The following CAMK2D variants were observed in gnomAD, a reference collection of about 807,000 sequenced individuals.
CAMK2D encodes the protein calcium/calmodulin dependent protein kinase II delta, also known as calcium/calmodulin-dependent protein kinase type II subunit delta.
Under a neutral mutation model 84.0 loss-of-function variants are expected in CAMK2D, and 37 were observed. The observed-to-expected ratio is 0.44, with a 90% confidence interval of 0.34 to 0.58. The LOEUF (loss-of-function observed/expected upper bound fraction) is 0.58. Ranked by LOEUF, CAMK2D falls within the 20% of genes least tolerant of loss-of-function variation. The probability of loss-of-function intolerance (pLI) is 0.02; values close to 1 mark genes in which losing one functional copy is unlikely to be tolerated. For synonymous variants in CAMK2D, 202 were observed against 212.5 expected (o/e 0.95, Z 0.43); for missense variants, 448 against 652.5 (o/e 0.69, Z 3.41).
chr4:113,714,407 CTTA>C (rs779232928), intron 2 of CAMK2D, among the ~76,000 whole-genome samples: 3 of 152,096 alleles, frequency 2.0e-5, no homozygotes, highest in East Asian at 1.9e-4. Context: ...ATTTTTGGCC[CTTA>C]TTATTCCACA....
At chr4:113,651,359 A>G (rs2099171420) in intron 3 of CAMK2D, among the ~76,000 whole-genome samples, 1 of 152,172 alleles carries the variant, frequency 6.6e-6, no homozygotes, top group Non-Finnish European at 1.5e-5. Flanking sequence ...GAGCATTTTT[A>G]AAGAAAACAA....
chr4:113,513,976 T>C, intron 10 of CAMK2D, 63 bp from the exon 11 acceptor site: 1 of 703,396 alleles, frequency 1.4e-6, no homozygotes, highest in East Asian at 2.8e-5. Flanking sequence ...AGTATAATAA[T>C]GTCCCTGACT....
chr4:113,634,463 G>A (rs1164915915), intron 3 of CAMK2D, among the ~76,000 whole-genome samples: 1 of 152,090 alleles, frequency 6.6e-6, no homozygotes, highest in East Asian at 1.9e-4. Flanking sequence ...GAGAAAAGTA[G>A]GTAAGAAAAA....
At chr4:113,746,164 G>A (rs539188392) in intron 2 of CAMK2D, among the ~76,000 whole-genome samples, 9 of 152,336 alleles carry the variant, frequency 5.9e-5, no homozygotes, top group Admixed American at 4.6e-4. Context: ...CATTCAGGGT[G>A]AAGGAGAAAT....
intron 8 of CAMK2D, among the ~76,000 whole-genome samples, chr4:113,523,809 A>G (rs2098393216): frequency 1.3e-5 from 2 of 151,432 alleles, no homozygotes; most frequent in South Asian, 4.2e-4. Flanking sequence ...ACAAACAAAC[A>G]AATAAATAAA....
chr4:113,568,621 CTA>C (rs1434774317), intron 4 of CAMK2D, among the ~76,000 whole-genome samples: 12 of 152,272 alleles, frequency 7.9e-5, no homozygotes, highest in Non-Finnish European at 1.6e-4. Flanking sequence ...TACGGTAATT[CTA>C]TGTTTAACTG....
At chr4:113,541,808 G>A (rs1038466463) in intron 6 of CAMK2D, among the ~76,000 whole-genome samples, 32 of 151,900 alleles carry the variant, frequency 2.1e-4, no homozygotes, top group Admixed American at 2.0e-4. Context: ...GCCAAAGAAG[G>A]TGCAAATGAA....
intron 16 of CAMK2D, among the ~76,000 whole-genome samples, chr4:113,467,011 C>T (rs974874496): frequency 2.0e-5 from 3 of 152,132 alleles, no homozygotes; most frequent in African/African-American, 7.2e-5. Context: ...GGAATAGATG[C>T]TCAATGTTTG....
intron 4 of CAMK2D, among the ~76,000 whole-genome samples, chr4:113,602,396 T>C (rs529139028): frequency 8.5e-5 from 13 of 152,316 alleles, no homozygotes; most frequent in Non-Finnish European, 1.6e-4. Context: ...AAGGCAATTG[T>C]GAAGAAGCAG....
At chr4:113,563,317 G>A (rs1176458165) in intron 4 of CAMK2D, among the ~76,000 whole-genome samples, 1 of 152,102 alleles carries the variant, frequency 6.6e-6, no homozygotes, top group African/African-American at 2.4e-5. Flanking sequence ...GTATTTGTAG[G>A]CATCATTACT....
At position 113,537,331 on chromosome 4, in the gene CAMK2D, C is replaced by G; in HGVS notation, c.517+10G>C. The G allele has an allele frequency of 6.8e-7, 1 of 1,461,646 alleles. No homozygotes were observed. The highest frequency in any genetic ancestry group is 9.6e-7 in the Non-Finnish European group (1 of 1,042,718). 90.5% of individuals were successfully genotyped at this position (1,461,646 alleles called of 1,614,324 possible). A position where few individuals can be genotyped will look rare whatever the true frequency, so the allele number is the denominator to read the frequency against. ...ACTATAGGTAGCATGAAGGAGGGGG[C>G]CCTACTCACCAAACCACGCCTGCTG... On this transcript the variant is annotated intron_variant, in intron 7 of 20. Coordinates refer to ENST00000511664, the MANE Select transcript of CAMK2D (RefSeq NM_001321571.2).
chr4:113,676,092 A>T (rs1347218570), intron 2 of CAMK2D, among the ~76,000 whole-genome samples: 1 of 152,186 alleles, frequency 6.6e-6, no homozygotes, highest in Non-Finnish European at 1.5e-5. Flanking sequence ...GGGCACACTA[A>T]GTGGTTCTCT....
chr4:113,601,567 G>A (rs1483178171), intron 4 of CAMK2D, among the ~76,000 whole-genome samples: 1 of 148,006 alleles, frequency 6.8e-6, no homozygotes, highest in Non-Finnish European at 1.5e-5. Context: ...TAGCCCAGAT[G>A]TTTTGATTCA....
rs866801566 is a variant in CAMK2D at position 113,472,964 on chromosome 4, C to G, written c.1136-7360G>C. ...AGGAGGTTAAGTGACTTGCTCAAGTCATCTAGCAAATTCAGAGGCTGTGCC... is the reference window on the plus strand; with the variant it reads ...AGGAGGTTAAGTGACTTGCTCAAGTGATCTAGCAAATTCAGAGGCTGTGCC... On this transcript the variant is annotated intron_variant, in intron 16 of 20. Transcript: ENST00000511664. Among the ~76,000 whole-genome samples, 76 of 152,312 alleles carry G rather than the reference C, an allele frequency of 5.0e-4. 1 individual carries two copies. The highest frequency in any genetic ancestry group is 1.8e-3 in the African/African-American group (73 of 41,574).
rs900790136 is a variant in CAMK2D at position 113,452,611 on chromosome 4, T to G, written c.*1934A>C. On this transcript the variant is annotated 3_prime_UTR_variant, in exon 21 of 21. Transcript: ENST00000511664. ...ATCTTAGTGCGGAAGACAAACTTGA[T>G]CTACAGTAATACTTCAACACCACAT... The G allele has an allele frequency of 2.0e-5, 3 of 152,526 alleles. No homozygotes were observed. Among genetic ancestry groups the G allele is most frequent in the African/African-American group, 7.2e-5 (3 of 41,408 alleles). The allele number at this position is 152,526 out of a possible 1,614,324, so 9.4% of individuals were successfully genotyped here.
intron 2 of CAMK2D, among the ~76,000 whole-genome samples, chr4:113,699,460 A>G (rs1198099363): frequency 6.6e-6 from 1 of 152,134 alleles, no homozygotes; most frequent in Non-Finnish European, 1.5e-5. Context: ...CTCACAGAAC[A>G]TCAACTAGAA....
chr4:113,460,674 A>G (rs2097362220), intron 17 of CAMK2D, among the ~76,000 whole-genome samples: 1 of 138,666 alleles, frequency 7.2e-6, no homozygotes, highest in South Asian at 2.4e-4. Flanking sequence ...TACTTCTGCA[A>G]TAATAATAAT....
intron 17 of CAMK2D, among the ~76,000 whole-genome samples, 179 bp downstream of exon 17, chr4:113,465,350 G>A (rs922674036): frequency 1.3e-5 from 2 of 150,074 alleles, no homozygotes; most frequent in African/African-American, 4.8e-5. Flanking sequence ...TCTTTTCTCT[G>A]AAATTTTCTC....
intron 6 of CAMK2D, among the ~76,000 whole-genome samples, chr4:113,545,167 A>G (rs1232925816): frequency 6.6e-6 from 1 of 152,204 alleles, no homozygotes; most frequent in Non-Finnish European, 1.5e-5. Flanking sequence ...AAATTGAAGG[A>G]ATATGCTGCA....
Sources: allele counts gnomAD v4.1 joint callset (sites outside exome capture counted in the v4.1 genomes callset), GRCh38; gene constraint gnomAD v4.1.1; transcripts MANE v1.5; gene names NCBI Gene and HGNC (gene_info 2026-07-23, HGNC 2026-07-21).